CPEB3: variants seen among roughly 807,000 people sequenced by gnomAD.
CPEB3 encodes the protein cytoplasmic polyadenylation element-binding protein 3.
In CPEB3, 20 loss-of-function variants were observed where a neutral mutation model predicts 67.2. The observed-to-expected ratio is 0.30, with a 90% CI of 0.21 to 0.43. The LOEUF (loss-of-function observed/expected upper bound fraction) is 0.43, where lower values mean the gene tolerates loss of function less well. Among genes scored for constraint, CPEB3 ranks in the 20% least tolerant of loss-of-function variants. CPEB3 has a pLI of 1.00. For missense variants in CPEB3, 746 were observed against 968.6 expected (o/e 0.77, Z 3.05); for synonymous variants, 376 against 393.1 (o/e 0.96, Z 0.51).
chr10:92,065,379 C>T (rs1202598319), intron 9 of CPEB3, among the ~76,000 whole-genome samples: 1 of 152,106 alleles, frequency 6.6e-6, no homozygotes, highest in Non-Finnish European at 1.5e-5. Flanking sequence ...TGCCACCATG[C>T]CTGGCTAATT....
chr10:92,239,745 C>T lies in CPEB3; in HGVS notation c.606G>A (p.Ala202=), dbSNP rs767183772. The change falls in exon 2 of 10, where the codon GCG becomes GCA. Residue 202 remains alanine, a synonymous_variant. Coordinates refer to ENST00000265997, the MANE Select transcript of CPEB3 (RefSeq NM_014912.5). The surrounding 1 kb of genome is among the most constrained non-coding windows in gnomAD (Gnocchi z 6.0). ...SPASPSQAPY[A]QRSAAAAYGH... is the part of the protein sequence containing the mutation. ...CGTACGCCGCGGCGGCGCTCCTCTG[C>T]GCGTAGGGCGCCTGGCTGGGGCTGG... The T allele has an allele frequency of 1.3e-6, 2 of 1,485,654 alleles. No homozygotes were observed. The highest frequency in any genetic ancestry group is 1.4e-5 in the South Asian group (1 of 74,028). The allele number at this position is 1,485,654 out of a possible 1,614,324, so 92.0% of individuals were successfully genotyped here. A position where few individuals can be genotyped will look rare whatever the true frequency, so the allele number is the denominator to read the frequency against.
Position 92,050,124 on chromosome 10 carries a change from T to C in CPEB3, c.*2088A>G, listed in dbSNP as rs1240675880. ...CTGTCTAGAATACAAAAAGTAGTAG[T>C]GCATAACAAAATTTCTTGTACAGAT... is the stretch of plus-strand genomic sequence containing the variant. On this transcript the variant is annotated 3_prime_UTR_variant, in exon 10 of 10. Transcript: ENST00000265997. 1 of 148,960 alleles carries C rather than the reference T, an allele frequency of 6.7e-6. No individual in the cohort carries two copies. Among genetic ancestry groups the C allele is most frequent in the African/African-American group, 2.5e-5 (1 of 40,634 alleles). The allele number at this position is 148,960 out of a possible 1,614,324, so 9.2% of individuals were successfully genotyped here.
intron 7 of CPEB3, among the ~76,000 whole-genome samples, chr10:92,105,453 T>C (rs1165764729): frequency 6.6e-6 from 1 of 152,178 alleles, no homozygotes; most frequent in African/African-American, 2.4e-5. Context: ...GTTCATGTTT[T>C]TGCCTTTCTC....
chr10:92,290,752 G>T (rs989673939), intron 1 of CPEB3, among the ~76,000 whole-genome samples, 174 bp downstream of exon 1: 2 of 152,148 alleles, frequency 1.3e-5, no homozygotes, highest in Non-Finnish European at 2.9e-5. Context: ...TCCAGCGCCG[G>T]GGGCTTCGGA....
Position 92,120,033 on chromosome 10 carries a change from T to C in CPEB3, c.1454-8839A>G, listed in dbSNP as rs944242103. Among the ~76,000 whole-genome samples the C allele has an allele frequency of 3.9e-5, 5 of 128,972 alleles. 1 individual carries two copies. The highest frequency in any genetic ancestry group is 1.5e-4 in the African/African-American group (5 of 32,700). 84.6% of individuals were successfully genotyped at this position (128,972 alleles called of 152,430 possible). The stretch of plus-strand genomic sequence containing the variant: ...ACTTTGGGAGGCTGAGGCGGGCGGA[T>C]CACGAGGTCAGGAGATGGAGACCAT... On this transcript the variant is annotated intron_variant, in intron 6 of 9. Transcript: ENST00000265997.
In CPEB3 at chr10:92,180,566, A is replaced by G. The variant is rs577425852; in HGVS notation, c.1222+397T>C. On this transcript the variant is annotated intron_variant, in intron 4 of 9. Transcript: ENST00000265997. ...ACAAAAGTAGCCACAGACAATCCAT[A>G]AATGAATGGGTGTGGCTATATTCCA... is the stretch of plus-strand genomic sequence containing the variant. Among the ~76,000 whole-genome samples, 80 of 152,350 alleles carry G rather than the reference A, an allele frequency of 5.3e-4. 1 individual carries two copies. In the South Asian group the frequency reaches 8.9e-3, roughly 17 times the overall value.
intron 9 of CPEB3, among the ~76,000 whole-genome samples, chr10:92,058,582 TACATACATAC>T (rs1197771879): frequency 1.6e-5 from 2 of 121,732 alleles, no homozygotes; most frequent in Admixed American, 1.6e-4. Context: ...CATACATACA[TACATACATAC>T]ATATATATAT....
chr10:92,278,103 T>C (rs539113459), intron 1 of CPEB3, among the ~76,000 whole-genome samples: 1 of 151,110 alleles, frequency 6.6e-6, no homozygotes, highest in South Asian at 2.1e-4. Context: ...GAGAACTGCT[T>C]GAACCCAGGA....
intron 7 of CPEB3, among the ~76,000 whole-genome samples, chr10:92,096,033 A>ATTTT (rs11335065): frequency 2.9e-5 from 3 of 102,578 alleles, no homozygotes; most frequent in Admixed American, 1.0e-4. Context: ...CACCTGGCTG[A>ATTTT]TTTTTTTTTT....
intron 2 of CPEB3, among the ~76,000 whole-genome samples, chr10:92,210,921 C>T (rs1030539192): frequency 6.6e-6 from 1 of 152,150 alleles, no homozygotes; most frequent in African/African-American, 2.4e-5. Context: ...CCTGTAATCC[C>T]ACTACTCAGG....
Position 92,081,497 on chromosome 10 carries a change from T to C in CPEB3, c.1692A>G (p.Glu564=). 2 of 1,609,694 alleles carry C rather than the reference T, an allele frequency of 1.2e-6. No individual in the cohort carries two copies. The highest frequency in any genetic ancestry group is 2.2e-5 in the South Asian group (2 of 89,866). The change falls in exon 9 of 10, where the codon GAA becomes GAG. Residue 564 remains glutamate (E), a synonymous_variant. Transcript: ENST00000265997. ...GGVPRPLRAV[E]LAMIMDRLYG... ...ACAAACGGTCCATGATCATTGCCAG[T>C]TCAACTGCAAAAAAAAAACAAAACA...
At chr10:92,095,582 T>TTA (rs372481233) in intron 7 of CPEB3, among the ~76,000 whole-genome samples, 5,517 of 122,406 alleles carry the variant, frequency 0.045, 165 homozygotes, top group Middle Eastern at 0.11. Flanking sequence ...TGGTCCTGAT[T>TTA]TATATATATA....
intron 2 of CPEB3, among the ~76,000 whole-genome samples, chr10:92,208,454 G>A (rs977950320): frequency 5.9e-5 from 9 of 152,104 alleles, no homozygotes; most frequent in African/African-American, 2.2e-4. Flanking sequence ...GAAGAAACTT[G>A]CTATTTACAA....
intron 7 of CPEB3, among the ~76,000 whole-genome samples, chr10:92,101,011 C>T (rs960636733): frequency 4.6e-5 from 7 of 152,176 alleles, no homozygotes; most frequent in African/African-American, 1.7e-4. Context: ...CTATACATAT[C>T]GTCAAGCTCA....
intron 7 of CPEB3, among the ~76,000 whole-genome samples, chr10:92,105,447 A>T (rs7079499): frequency 6.6e-6 from 1 of 151,820 alleles, no homozygotes; most frequent in Non-Finnish European, 1.5e-5. Context: ...TTTTGTGTTC[A>T]TGTTTTTGCC....
intron 9 of CPEB3, among the ~76,000 whole-genome samples, chr10:92,080,206 C>CA (rs1176662337): frequency 0.032 from 3,262 of 102,076 alleles, 99 homozygotes; most frequent in African/African-American, 0.094. Flanking sequence ...GACTCCGTCT[C>CA]AAAAAAAAAA....
chr10:92,220,756 C>T (rs1446250208), intron 2 of CPEB3, among the ~76,000 whole-genome samples: 1 of 152,132 alleles, frequency 6.6e-6, no homozygotes, highest in Non-Finnish European at 1.5e-5. Context: ...TTCCGAAATG[C>T]TCTTTTGTTA....
Position 92,158,165 on chromosome 10 carries a change from A to G in CPEB3, c.1223-13080T>C, listed in dbSNP as rs559489301. Among the ~76,000 whole-genome samples the G allele has an allele frequency of 1.1e-4, 17 of 152,326 alleles. No individual in the cohort carries two copies. The East Asian group carries it at 3.3e-3, about 29-fold the overall frequency. Reference sequence around the variant, plus strand: ...AAATTCACACAAAGCTTTTCTATGTATTCTTGGAACTATTCAATTGATATG... The same window carrying G: ...AAATTCACACAAAGCTTTTCTATGTGTTCTTGGAACTATTCAATTGATATG... On this transcript the variant is annotated intron_variant, in intron 4 of 9. Coordinates refer to ENST00000265997, the MANE Select transcript of CPEB3 (RefSeq NM_014912.5).
intron 8 of CPEB3, among the ~76,000 whole-genome samples, chr10:92,091,354 T>A (rs1843611296): frequency 6.6e-6 from 1 of 152,158 alleles, no homozygotes; most frequent in Non-Finnish European, 1.5e-5. Flanking sequence ...TGTCTTTGGA[T>A]TTAAATATGT....
Sources: allele counts gnomAD v4.1 joint callset (sites outside exome capture counted in the v4.1 genomes callset), GRCh38; gene constraint gnomAD v4.1.1; non-coding constraint Gnocchi (gnomAD v3.1); transcripts MANE v1.5; gene names NCBI Gene and HGNC (gene_info 2026-07-23, HGNC 2026-07-21).